The following TMEM236 variants were observed in gnomAD, a reference collection of about 807,000 sequenced individuals.
TMEM236 encodes family with sequence similarity 23, member A.
Under a neutral mutation model 14.7 loss-of-function variants are expected in TMEM236, and 11 were observed. The ratio of observed to expected loss-of-function variants is 0.75; its 90% confidence interval spans 0.47 to 1.24. The LOEUF (loss-of-function observed/expected upper bound fraction) is 1.24. TMEM236 is among the 50% of genes most tolerant of loss of function. TMEM236 has a pLI of 0.00. For synonymous variants in TMEM236, 182 were observed against 168.6 expected, an observed-to-expected ratio of 1.08 and a Z score of -0.62; for missense variants, 464 against 427.3, an observed-to-expected ratio of 1.09 and a Z score of -0.76.
rs1007897029 is a variant in TMEM236, at chr10:17,799,431, C to A, written c.*2927C>A. The A allele has an allele frequency of 5.8e-4, 88 of 152,306 alleles. No individual in the cohort carries two copies. Among genetic ancestry groups the A allele is most frequent in the African/African-American group, 2.0e-3 (85 of 41,548 alleles). 9.4% of individuals were successfully genotyped at this position (152,306 alleles called of 1,614,324 possible). A position where few individuals can be genotyped will look rare whatever the true frequency, so the allele number is the denominator to read the frequency against. The stretch of plus-strand genomic sequence containing the variant: ...CCAACATGGTGAAACACCGTCTGTA[C>A]TAAAAATACAAAAATTAGCTGGGTG... On this transcript the variant is annotated 3_prime_UTR_variant, in exon 4 of 4. Transcript: ENST00000377495.
At chr10:17,759,816 T>TA (rs1325501115) in intron 1 of TMEM236, among the ~76,000 whole-genome samples, 1 of 151,432 alleles carries the variant, frequency 6.6e-6, no homozygotes, top group Non-Finnish European at 1.5e-5. Flanking sequence ...CCGTCTCTAC[T>TA]AAAAATACAG....
intron 3 of TMEM236, among the ~76,000 whole-genome samples, chr10:17,786,063 T>C (rs1392157269): frequency 2.0e-5 from 3 of 150,388 alleles, no homozygotes; most frequent in African/African-American, 7.6e-5. Context: ...TTTAATAATT[T>C]GGCATTAAAT....
chr10:17,769,818 A>G (rs1837538492), intron 1 of TMEM236, among the ~76,000 whole-genome samples: 1 of 152,118 alleles, frequency 6.6e-6, no homozygotes, highest in Non-Finnish European at 1.5e-5. Flanking sequence ...ATTGTTCTCT[A>G]TTATTTTATT....
In TMEM236 at chr10:17,796,883, C is replaced by A. The variant is rs1428173355; in HGVS notation, c.*379C>A. On this transcript the variant is annotated 3_prime_UTR_variant, in exon 4 of 4. Coordinates refer to ENST00000377495, the MANE Select transcript of TMEM236 (RefSeq NM_001098844.3). The stretch of plus-strand genomic sequence containing the variant: ...CTGAGCGTTCCCGCCTGCATTCCGC[C>A]TCCTGTCAGATCAGCAGCAGCATTA... The A allele has an allele frequency of 1.1e-5, 3 of 272,326 alleles. No individual in the cohort carries two copies. In the Admixed American group the frequency reaches 1.5e-4, roughly 14 times the overall value. The allele number at this position is 272,326 out of a possible 1,614,324, so 16.9% of individuals were successfully genotyped here. A position where few individuals can be genotyped will look rare whatever the true frequency, so the allele number is the denominator to read the frequency against.
chr10:17,756,648 G>A (rs1001998431), intron 1 of TMEM236, among the ~76,000 whole-genome samples: 10 of 152,130 alleles, frequency 6.6e-5, no homozygotes, highest in Admixed American at 2.0e-4. Context: ...GAAAATTGCC[G>A]ATTAGAGAGT....
At position 17,785,846 on chromosome 10, in the gene TMEM236, G is replaced by A. The variant is rs988364830; in HGVS notation, c.472+9676G>A. Reference sequence around the variant, plus strand: ...GGATTTTTTTTCCTCTTCTCAAGAAGTAAGTGGGCATCTACTAGACTGGGG... The same window carrying A: ...GGATTTTTTTTCCTCTTCTCAAGAAATAAGTGGGCATCTACTAGACTGGGG... On this transcript the variant is annotated intron_variant, in intron 3 of 3. Coordinates refer to ENST00000377495, the MANE Select transcript of TMEM236 (RefSeq NM_001098844.3). 1.9e-3 allele frequency among the ~76,000 whole-genome samples: 289 copies of A among 152,216 alleles called. 3 individuals are homozygous for A. Among genetic ancestry groups the A allele is most frequent in the African/African-American group, 6.7e-3 (278 of 41,534 alleles).
intron 1 of TMEM236, among the ~76,000 whole-genome samples, chr10:17,754,563 AC>A (rs1306780209): frequency 2.4e-4 from 37 of 152,156 alleles, no homozygotes; most frequent in Admixed American, 1.4e-3. Context: ...CTGGGCTCAA[AC>A]AATCCACCCG....
intron 1 of TMEM236, among the ~76,000 whole-genome samples, chr10:17,754,976 T>C (rs1245367325): frequency 1.3e-5 from 2 of 149,872 alleles, no homozygotes; most frequent in Non-Finnish European, 1.5e-5. Context: ...TTCACTCTTA[T>C]TGTCCAGGCT....
intron 1 of TMEM236, among the ~76,000 whole-genome samples, chr10:17,754,657 G>C (rs1201081137): frequency 1.3e-5 from 2 of 152,096 alleles, no homozygotes; most frequent in African/African-American, 4.8e-5. Context: ...ATAATTTACT[G>C]TGTTGGTAAA....
rs1269085451 is a variant in TMEM236, at chr10:17,796,882, C to T, written c.*378C>T. The T allele has an allele frequency of 1.8e-5, 5 of 271,662 alleles. No homozygotes were observed. The highest frequency in any genetic ancestry group is 9.1e-5 in the African/African-American group (4 of 43,784). 16.8% of individuals were successfully genotyped at this position (271,662 alleles called of 1,614,324 possible). On this transcript the variant is annotated 3_prime_UTR_variant, in exon 4 of 4. Transcript: ENST00000377495. ...ACTGAGCGTTCCCGCCTGCATTCCG[C>T]CTCCTGTCAGATCAGCAGCAGCATT...
intron 1 of TMEM236, among the ~76,000 whole-genome samples, chr10:17,770,178 A>G (rs1255880349): frequency 1.3e-5 from 2 of 152,122 alleles, no homozygotes; most frequent in Non-Finnish European, 2.9e-5. Context: ...ATTCTTTTTT[A>G]TGACTGTGGA....
chr10:17,792,338 T>A (rs1837939583), intron 3 of TMEM236, among the ~76,000 whole-genome samples: 1 of 152,244 alleles, frequency 6.6e-6, no homozygotes. Context: ...TCCCCCTGTT[T>A]CAGCCTCCCA....
intron 1 of TMEM236, among the ~76,000 whole-genome samples, chr10:17,762,755 C>A (rs1837396874): frequency 1.3e-5 from 2 of 151,248 alleles, no homozygotes; most frequent in Admixed American, 6.6e-5. Context: ...CCAGCCTCAA[C>A]TTCCCAGGCT....
intron 2 of TMEM236, among the ~76,000 whole-genome samples, chr10:17,772,950 C>A (rs946988734): frequency 3.9e-5 from 6 of 152,046 alleles, no homozygotes; most frequent in African/African-American, 1.4e-4. Context: ...TGTCTGGCTT[C>A]TTTTATTTAA....
At position 17,752,490 on chromosome 10, in the gene TMEM236, C is replaced by A. The variant is rs1837223583; in HGVS notation, c.195C>A (p.Ile65=). 1 of 1,613,970 alleles carries A rather than the reference C, an allele frequency of 6.2e-7. No homozygotes were observed. The highest frequency in any genetic ancestry group is 8.5e-7 in the Non-Finnish European group (1 of 1,179,860). Residue 65 remains isoleucine, a synonymous_variant, in exon 1 of 4, where the codon ATC becomes ATA. Transcript: ENST00000377495. ...ATGTTGCGTTAGTGACTCTACTGAT[C>A]TGGGTTCCTGTAAAAGTTATCCTGC... ...IAYVALVTLL[I]WVPVKVILHK...
intron 1 of TMEM236, among the ~76,000 whole-genome samples, chr10:17,766,417 T>G (rs1159671429): frequency 6.6e-6 from 1 of 152,164 alleles, no homozygotes; most frequent in African/African-American, 2.4e-5. Flanking sequence ...GCATTCATAT[T>G]TCTAGCAATA....
At position 17,779,148 on chromosome 10, in the gene TMEM236, A is replaced by T. The variant is rs987069707; in HGVS notation, c.472+2978A>T. ...AGCGCACCTTAATGCTTCCATTTGA[A>T]TTTTGCTAACTGAATCCCATGTATT... is the stretch of plus-strand genomic sequence containing the variant. On this transcript the variant is annotated intron_variant, in intron 3 of 3. Transcript: ENST00000377495. Among the ~76,000 whole-genome samples the T allele has an allele frequency of 2.4e-4, 36 of 152,288 alleles. 1 individual carries two copies. In the South Asian group the frequency reaches 6.8e-3, roughly 29 times the overall value.
intron 3 of TMEM236, among the ~76,000 whole-genome samples, chr10:17,783,056 C>T (rs1412176722): frequency 1.3e-5 from 2 of 152,024 alleles, no homozygotes; most frequent in African/African-American, 2.4e-5. Context: ...CCCTGTGCTC[C>T]GTGTGGGAGT....
chr10:17,783,756 A>G (rs1018124628), intron 3 of TMEM236, among the ~76,000 whole-genome samples: 1 of 152,248 alleles, frequency 6.6e-6, no homozygotes, highest in Non-Finnish European at 1.5e-5. Flanking sequence ...ACCTTGCAAC[A>G]CTGGAAATTT....
Sources: allele counts gnomAD v4.1 joint callset (sites outside exome capture counted in the v4.1 genomes callset), GRCh38; gene constraint gnomAD v4.1.1; transcripts MANE v1.5; gene names NCBI Gene and HGNC (gene_info 2026-07-23, HGNC 2026-07-21).